The following SOX30 variants were observed in gnomAD, a reference collection of about 807,000 sequenced individuals.
SOX30 encodes the protein SRY-box transcription factor 30.
A neutral mutation model predicts 58.6 loss-of-function variants in SOX30; 17 were observed. That is an observed-to-expected ratio of 0.29 (90% CI 0.20 to 0.44). The LOEUF is 0.44. SOX30 is among the 20% of genes least tolerant of loss of function. The pLI is 1.00. For missense variants in SOX30, 951 were observed against 965.8 expected, an observed-to-expected ratio of 0.98 and a Z score of 0.20; for synonymous variants, 421 against 400.2, an observed-to-expected ratio of 1.05 and a Z score of -0.62.
chr5:157,652,497 G>C, upstream of SOX30: 1 of 563,512 alleles, frequency 1.8e-6, no homozygotes, highest in Non-Finnish European at 2.3e-6. Context: ...ATGAAGTCTT[G>C]CGTCACAAGG....
At chr5:157,662,676 G>A (rs1471525635) in intron 2 of SOX30, among the ~76,000 whole-genome samples, 1 of 152,092 alleles carries the variant, frequency 6.6e-6, no homozygotes, top group Non-Finnish European at 1.5e-5. Context: ...CTGAAAGACT[G>A]GTTCAGGCCA....
intron 4 of SOX30, among the ~76,000 whole-genome samples, chr5:157,628,790 C>T (rs970823147): frequency 1.4e-4 from 21 of 151,862 alleles, no homozygotes; most frequent in African/African-American, 4.1e-4. Flanking sequence ...TACAGGTGCC[C>T]GCCACCATGT....
intron 4 of SOX30, among the ~76,000 whole-genome samples, chr5:157,634,097 G>A (rs1758870316): frequency 6.6e-6 from 1 of 152,206 alleles, no homozygotes; most frequent in Non-Finnish European, 1.5e-5. Context: ...CCAGAGAGGG[G>A]GAGCAGCACT....
intron 1 of SOX30, among the ~76,000 whole-genome samples, chr5:157,649,206 T>C (rs1040600819): frequency 9.8e-5 from 15 of 152,300 alleles, no homozygotes; most frequent in African/African-American, 3.6e-4. Flanking sequence ...GTATTATTAG[T>C]ACCTCTAACA....
At chr5:157,639,005 G>C (rs1424897241) in intron 3 of SOX30, among the ~76,000 whole-genome samples, 1 of 152,136 alleles carries the variant, frequency 6.6e-6, no homozygotes, top group South Asian at 2.1e-4. Context: ...TGTATCCCCA[G>C]GGTGAAACAT....
rs946182606 is a variant in SOX30 at position 157,652,011 on chromosome 5, G to A, written c.68C>T (p.Pro23Leu). Reference sequence around the variant, plus strand: ...TGCCCAAAAGGAGGTGCCCTCGACCGGCAGCGGGGGCGGAGCGGGACGCAA... The same window carrying A: ...TGCCCAAAAGGAGGTGCCCTCGACCAGCAGCGGGGGCGGAGCGGGACGCAA... ...RPLRPAPPPL[P>L]VEGTSFWAAA... The change falls in exon 1 of 5, where the codon CCG (proline) becomes CTG (leucine). Residue 23 changes from proline (P) to leucine (L), a missense_variant. Physicochemically the swap from Pro to Leu is moderately conservative, Grantham distance 98. Transcript: ENST00000265007. 14 of 1,430,168 alleles carry A rather than the reference G, an allele frequency of 9.8e-6. No individual in the cohort carries two copies. The African/African-American group carries it at 1.0e-4, about 11-fold the overall frequency. The allele number at this position is 1,430,168 out of a possible 1,614,324, so 88.6% of individuals were successfully genotyped here.
At chr5:157,631,047 T>TTATATATA (rs755427047) in intron 4 of SOX30, among the ~76,000 whole-genome samples, 1 of 53,274 alleles carries the variant, frequency 1.9e-5, no homozygotes, top group Non-Finnish European at 3.8e-5. Flanking sequence ...TATATATATT[T>TTATATATA]TATATATATA....
chr5:157,633,540 G>A (rs1373491188), intron 4 of SOX30, among the ~76,000 whole-genome samples: 1 of 152,168 alleles, frequency 6.6e-6, no homozygotes, highest in Non-Finnish European at 1.5e-5. Context: ...TGTTAACTAA[G>A]TCTATCATGT....
rs143263982 is a variant in SOX30 at position 157,658,119 on chromosome 5, A to T, written c.53-9223T>A. Among the ~76,000 whole-genome samples, 448 of 152,342 alleles carry T rather than the reference A, an allele frequency of 2.9e-3. 5 individuals are homozygous for T. Among genetic ancestry groups the T allele is most frequent in the African/African-American group, 1.0e-2 (414 of 41,590 alleles). ...CATAGGTATTTGAGGGTACAAACCT[A>T]TGGCAGGGCTCAGCTCTGAAAAAGT... On this transcript the variant is annotated intron_variant, in intron 2 of 5. Transcript: ENST00000519442.
chr5:157,648,277 T>C (rs1400231979), intron 2 of SOX30, among the ~76,000 whole-genome samples: 1 of 152,226 alleles, frequency 6.6e-6, no homozygotes, highest in Non-Finnish European at 1.5e-5. Flanking sequence ...TGCATTCTCA[T>C]TAAGCGTAGA....
At chr5:157,635,152 GTCT>G (rs1561579910) in intron 4 of SOX30, among the ~76,000 whole-genome samples, 2 of 152,170 alleles carry the variant, frequency 1.3e-5, no homozygotes, top group South Asian at 2.1e-4. Flanking sequence ...GATAAGGCTA[GTCT>G]TCTTTTCTAA....
rs1758786646 is a variant in SOX30 at position 157,631,032 on chromosome 5, TACA to T, written c.1881-4314_1881-4312del. 1.0e-4 allele frequency among the ~76,000 whole-genome samples: 10 copies of T among 98,196 alleles called. No homozygotes were observed. The South Asian group carries it at 1.0e-3, about 10-fold the overall frequency. 64.4% of individuals were successfully genotyped at this position (98,196 alleles called of 152,430 possible). Reference sequence around the variant, plus strand: ...ATATACTATATATTTTATATATATATACAATATATATATTTTATATATATATAT... The same window carrying T: ...ATATACTATATATTTTATATATATATATATATATATTTTATATATATATAT... On this transcript the variant is annotated intron_variant, in intron 4 of 4. Coordinates refer to ENST00000265007, the MANE Select transcript of SOX30 (RefSeq NM_178424.2).
chr5:157,659,691 G>T (rs991358974), intron 2 of SOX30, among the ~76,000 whole-genome samples: 15 of 152,188 alleles, frequency 9.9e-5, no homozygotes, highest in African/African-American at 3.6e-4. Flanking sequence ...TGTCACCAAG[G>T]TGGTCAGGCT....
chr5:157,632,292 A>C (rs888767086), intron 4 of SOX30, among the ~76,000 whole-genome samples: 1 of 152,082 alleles, frequency 6.6e-6, no homozygotes. Flanking sequence ...ACAAGGATGC[A>C]CTAATTAGTA....
chr5:157,627,270 G>A (rs1340169966), intron 4 of SOX30, among the ~76,000 whole-genome samples: 1 of 152,182 alleles, frequency 6.6e-6, no homozygotes, highest in East Asian at 1.9e-4. Flanking sequence ...GGCTGAGGCA[G>A]GAGGATCGCT....
At chr5:157,662,431 C>T (rs751535392) in intron 2 of SOX30, among the ~76,000 whole-genome samples, 7 of 151,972 alleles carry the variant, frequency 4.6e-5, no homozygotes, top group Middle Eastern at 3.4e-3. Context: ...ATTAATTTTT[C>T]TAGGTTATTG....
Position 157,652,414 on chromosome 5 carries a change from C to T in SOX30, c.-336G>A. The T allele has an allele frequency of 9.5e-7, 1 of 1,053,750 alleles. No homozygotes were observed. The highest frequency in any genetic ancestry group is 1.1e-6 in the Non-Finnish European group (1 of 874,926). The allele number at this position is 1,053,750 out of a possible 1,614,324, so 65.3% of individuals were successfully genotyped here. On this transcript the variant is annotated 5_prime_UTR_variant, in exon 1 of 5. Transcript: ENST00000265007. ...TTACAGCCGTTGTCTTTAGTCATCC[C>T]TCCCCCACCCGGAGCTGCGACAATG...
chr5:157,631,593 T>A (rs1168489572), intron 4 of SOX30, among the ~76,000 whole-genome samples: 1 of 151,854 alleles, frequency 6.6e-6, no homozygotes, highest in Non-Finnish European at 1.5e-5. Flanking sequence ...AAACCCCGTC[T>A]CTACTAAAAA....
chr5:157,653,989 G>C (rs1160232333), upstream of SOX30, among the ~76,000 whole-genome samples: 1 of 151,902 alleles, frequency 6.6e-6, no homozygotes, highest in African/African-American at 2.4e-5. Context: ...CAACATGGTG[G>C]AACCTCGTCT....
Sources: allele counts gnomAD v4.1 joint callset (sites outside exome capture counted in the v4.1 genomes callset), GRCh38; gene constraint gnomAD v4.1.1; transcripts MANE v1.5; gene names NCBI Gene and HGNC (gene_info 2026-07-23, HGNC 2026-07-21).